The following SHISAL2A variants were observed in gnomAD, a reference collection of about 807,000 sequenced individuals.
SHISAL2A encodes protein shisa-like-2A.
Under a neutral mutation model 11.5 loss-of-function variants are expected in SHISAL2A, and 18 were observed. That is an observed-to-expected ratio of 1.57 (90% confidence interval 1.08 to 2.33). The LOEUF (loss-of-function observed/expected upper bound fraction) is 2.33. SHISAL2A is among the 30% of genes most tolerant of loss of function. The pLI is 0.00. For missense variants in SHISAL2A, 261 were observed against 250.9 expected (o/e 1.04, Z -0.27); for synonymous variants, 94 against 99.6 (o/e 0.94, Z 0.34).
At position 52,666,129 on chromosome 1, in the gene SHISAL2A, A is replaced by C. The variant is rs528439743; in HGVS notation, n.696-1270A>C. On this transcript the variant is annotated intron_variant and non_coding_transcript_variant, in intron 4 of 5. Transcript: ENST00000401050. ...ATGTGTTAATAATACATTGTTCTAC[A>C]ATGTGTTATGAAGTAAAGTGATATC... is the stretch of plus-strand genomic sequence containing the variant. 2.0e-5 allele frequency among the ~76,000 whole-genome samples: 3 copies of C among 152,302 alleles called. No individual in the cohort carries two copies. The East Asian group carries it at 5.8e-4, about 29-fold the overall frequency.
downstream of SHISAL2A, among the ~76,000 whole-genome samples, chr1:52,661,204 G>A (rs1028963374): frequency 2.6e-5 from 4 of 152,166 alleles, no homozygotes; most frequent in African/African-American, 9.7e-5. Context: ...GGGCAAAAGG[G>A]AGCCACAGGA....
At chr1:52,658,732 G>C (rs988958012), downstream of SHISAL2A, among the ~76,000 whole-genome samples, 4 of 152,216 alleles carry the variant, frequency 2.6e-5, no homozygotes, top group African/African-American at 9.7e-5. Context: ...CTCCCTCCTG[G>C]CTGCTCTCCT....
intron 4 of SHISAL2A, among the ~76,000 whole-genome samples, chr1:52,663,022 C>A (rs532989817): frequency 6.6e-6 from 1 of 152,214 alleles, no homozygotes; most frequent in Non-Finnish European, 1.5e-5. Flanking sequence ...GTGAAACCTT[C>A]ATCTTCTAAA....
At chr1:52,666,773 G>T (rs1692021661) in intron 4 of SHISAL2A, among the ~76,000 whole-genome samples, 2 of 152,158 alleles carry the variant, frequency 1.3e-5, no homozygotes, top group African/African-American at 4.8e-5. Context: ...GCTATTGGAT[G>T]TCTCACTGAA....
intron 2 of SHISAL2A, among the ~76,000 whole-genome samples, chr1:52,652,558 G>A (rs1188056005): frequency 6.6e-6 from 1 of 152,120 alleles, no homozygotes; most frequent in Admixed American, 6.6e-5. Flanking sequence ...TTCTTGTATT[G>A]AAGAGAAGGT....
chr1:52,632,793 T>G (rs1691153349), upstream of SHISAL2A, among the ~76,000 whole-genome samples: 1 of 152,148 alleles, frequency 6.6e-6, no homozygotes, highest in Non-Finnish European at 1.5e-5. Flanking sequence ...GAGCAAGGAC[T>G]TCCTACTAGG....
intron 2 of SHISAL2A, among the ~76,000 whole-genome samples, chr1:52,644,153 G>T (rs1260071942): frequency 1.3e-5 from 2 of 152,166 alleles, no homozygotes; most frequent in African/African-American, 4.8e-5. Flanking sequence ...TCACCATACT[G>T]GGTATGTGCA....
intron 4 of SHISAL2A, among the ~76,000 whole-genome samples, chr1:52,664,300 C>CG (rs1691966627): frequency 6.6e-6 from 1 of 151,770 alleles, no homozygotes; most frequent in African/African-American, 2.4e-5. Flanking sequence ...ACGCCATTCT[C>CG]CTGCCTCAGC....
chr1:52,665,136 AT>A (rs988409688), intron 4 of SHISAL2A, among the ~76,000 whole-genome samples: 72 of 152,300 alleles, frequency 4.7e-4, no homozygotes, highest in African/African-American at 1.7e-3. Context: ...GGAAGTTGTG[AT>A]GTGCTCGACA....
chr1:52,659,432 TCAGA>T (rs1176330991), downstream of SHISAL2A: 1 of 153,144 alleles, frequency 6.5e-6, no homozygotes, highest in Non-Finnish European at 1.5e-5. Flanking sequence ...ACAAGAGGAA[TCAGA>T]CAGTTCTCAC....
chr1:52,667,683 A>G (rs1692038061), intron 5 of SHISAL2A: 1 of 152,102 alleles, frequency 6.6e-6, no homozygotes, highest in South Asian at 2.1e-4. Context: ...TCATATCTAA[A>G]TCTTCTGTCT....
intron 2 of SHISAL2A, among the ~76,000 whole-genome samples, chr1:52,655,735 A>C (rs1243853062): frequency 1.3e-5 from 2 of 152,256 alleles, no homozygotes; most frequent in African/African-American, 4.8e-5. Context: ...CCACAATGAG[A>C]TGCCATCTCA....
chr1:52,640,483 G>T (rs1441221699), intron 1 of SHISAL2A, among the ~76,000 whole-genome samples: 4 of 152,108 alleles, frequency 2.6e-5, no homozygotes, highest in Admixed American at 6.6e-5. Context: ...CATGGTCTTG[G>T]CCGGACACGG....
At chr1:52,644,768 A>G (rs1691456899) in intron 2 of SHISAL2A, among the ~76,000 whole-genome samples, 1 of 151,976 alleles carries the variant, frequency 6.6e-6, no homozygotes, top group Non-Finnish European at 1.5e-5. Flanking sequence ...CTGTAATCCC[A>G]GCACTTTGGG....
At chr1:52,661,861 G>A (rs540173614), downstream of SHISAL2A, among the ~76,000 whole-genome samples, 74 of 152,012 alleles carry the variant, frequency 4.9e-4, 1 homozygote, top group Non-Finnish European at 1.0e-3. Flanking sequence ...GTGAAACCCC[G>A]TCTCTACTAA....
chr1:52,657,086 A>C (rs1181534894), downstream of SHISAL2A: 1 of 1,529,914 alleles, frequency 6.5e-7, no homozygotes, highest in Admixed American at 2.1e-5. Flanking sequence ...GAGTCTCTTC[A>C]GTGAAAGGTG....
intron 2 of SHISAL2A, among the ~76,000 whole-genome samples, chr1:52,654,092 G>A (rs1013185831): frequency 3.9e-5 from 6 of 151,944 alleles, no homozygotes; most frequent in African/African-American, 1.2e-4. Context: ...TTTTATTTTT[G>A]TAGAGATGGG....
In SHISAL2A at chr1:52,653,286, C is replaced by CA. The variant is rs59878820; in HGVS notation, c.323-3476dup. On this transcript the variant is annotated intron_variant, in intron 2 of 2. Transcript: ENST00000517870. ...CAACATGACAAGACTCCTGTCTCTA[C>CA]AAAAAAAAAAAAAAAAAAAAAAAAA... 6.0e-3 allele frequency among the ~76,000 whole-genome samples: 219 copies of CA among 36,430 alleles called. 20 individuals are homozygous for CA. Among genetic ancestry groups the CA allele is most frequent in the East Asian group, 0.037 (24 of 644 alleles). The allele number at this position is 36,430 out of a possible 152,430, so 23.9% of individuals were successfully genotyped here. A position where few individuals can be genotyped will look rare whatever the true frequency, so the allele number is the denominator to read the frequency against.
intron 1 of SHISAL2A, among the ~76,000 whole-genome samples, chr1:52,637,328 T>A (rs1027567476): frequency 2.3e-4 from 35 of 152,366 alleles, no homozygotes; most frequent in African/African-American, 7.9e-4. Flanking sequence ...GGCATGCTCC[T>A]AACAGAGCCC....
Sources: gnomAD v4.1 joint callset for allele counts (sites outside exome capture counted in the v4.1 genomes callset) on GRCh38, gnomAD v4.1.1 for gene constraint, MANE v1.5 for transcripts, NCBI Gene and HGNC (gene_info 2026-07-23, HGNC 2026-07-21) for gene names.